ZNF385D: variants seen among roughly 807,000 people sequenced by gnomAD.
The protein encoded by ZNF385D is zinc finger protein 659.
ZNF385D carries 15 observed loss-of-function variants against 35.8 expected under a neutral mutation model. That is an observed-to-expected ratio of 0.42 (90% CI 0.28 to 0.64). ZNF385D has a LOEUF of 0.64. Ranked by LOEUF, ZNF385D falls within the 30% of genes least tolerant of loss-of-function variation. ZNF385D has a pLI of 0.23. For missense variants in ZNF385D, 474 were observed against 494.6 expected (o/e 0.96, Z 0.39); for synonymous variants, 212 against 186.8 (o/e 1.13, Z -1.10).
At chr3:21,569,610 G>T (rs1427557241) in intron 2 of ZNF385D, among the ~76,000 whole-genome samples, 1 of 149,938 alleles carries the variant, frequency 6.7e-6, no homozygotes, top group Non-Finnish European at 1.5e-5. Context: ...TCATTATGAT[G>T]TTAGCTGGTT....
At chr3:21,569,893 C>G (rs1407252494) in intron 2 of ZNF385D, among the ~76,000 whole-genome samples, 1 of 108,850 alleles carries the variant, frequency 9.2e-6, no homozygotes, top group African/African-American at 3.6e-5. Flanking sequence ...GAACATCACA[C>G]TCTGGGGACT....
chr3:22,161,382 AT>A (rs1345454985), intron 3 of ZNF385D, among the ~76,000 whole-genome samples: 2 of 152,098 alleles, frequency 1.3e-5, no homozygotes, highest in African/African-American at 4.8e-5. Flanking sequence ...TATGCAGTAT[AT>A]ATTAAACCAT....
At chr3:21,583,951 C>CTTATTTATTTATTTAT (rs1287837812) in intron 2 of ZNF385D, among the ~76,000 whole-genome samples, 7,914 of 132,670 alleles carry the variant, frequency 0.06, 267 homozygotes, top group Non-Finnish European at 0.081. Flanking sequence ...ATTTATTTTA[C>CTTATTTATTTATTTAT]TTATTTACTT....
At chr3:22,118,423 G>C (rs13322737) in intron 3 of ZNF385D, among the ~76,000 whole-genome samples, 17,731 of 152,022 alleles carry the variant, frequency 0.12, 2,166 homozygotes, top group African/African-American at 0.31. Context: ...ATCTGAGATT[G>C]CATTTGTGAG....
chr3:22,057,527 T>G (rs1292784684), intron 3 of ZNF385D, among the ~76,000 whole-genome samples: 2 of 151,700 alleles, frequency 1.3e-5, no homozygotes, highest in Non-Finnish European at 2.9e-5. Context: ...TTTTTTTTTT[T>G]GAGACAGAGT....
intron 4 of ZNF385D, among the ~76,000 whole-genome samples, chr3:21,468,289 C>T (rs1484839045): frequency 1.3e-5 from 2 of 149,944 alleles, no homozygotes; most frequent in East Asian, 4.0e-4. Context: ...GTAGTCCCAG[C>T]TACTCGGGAG....
rs1388124462 is a variant in ZNF385D at position 21,932,281 on chromosome 3, TATC to T, written c.325+236533_325+236535del. On this transcript the variant is annotated intron_variant, in intron 3 of 5. Transcript: ENST00000494108. Reference sequence around the variant, plus strand: ...ATCTAAATGATATCTTTACAACAAATATCATATTTAGCTGCCTTTGTAAATGTT... The same window carrying T: ...ATCTAAATGATATCTTTACAACAAATATATTTAGCTGCCTTTGTAAATGTT... 4.7e-5 allele frequency among the ~76,000 whole-genome samples: 7 copies of T among 148,396 alleles called. No individual in the cohort carries two copies. In the East Asian group the frequency reaches 1.0e-3, roughly 21 times the overall value.
chr3:21,907,629 A>T (rs182582403), intron 3 of ZNF385D, among the ~76,000 whole-genome samples: 1 of 152,164 alleles, frequency 6.6e-6, no homozygotes, highest in African/African-American at 2.4e-5. Flanking sequence ...GAGATACATT[A>T]TAAGAATCTT....
chr3:22,209,338 G>C (rs1697366468), intron 2 of ZNF385D, among the ~76,000 whole-genome samples: 1 of 152,042 alleles, frequency 6.6e-6, no homozygotes, highest in Middle Eastern at 3.4e-3. Context: ...ATAGTGGAAA[G>C]TAATTAAAGT....
At chr3:21,976,836 C>G (rs1703655182) in intron 3 of ZNF385D, among the ~76,000 whole-genome samples, 1 of 152,068 alleles carries the variant, frequency 6.6e-6, no homozygotes, top group African/African-American at 2.4e-5. Flanking sequence ...GCTAAAAATA[C>G]AAAAATTAGC....
chr3:22,329,834 G>C (rs1694853228), intron 2 of ZNF385D, among the ~76,000 whole-genome samples: 1 of 152,086 alleles, frequency 6.6e-6, no homozygotes, highest in South Asian at 2.1e-4. Context: ...ACATATAATT[G>C]ACATAAAAAT....
rs187428287 is a variant in ZNF385D, at chr3:21,693,741, G to C, written c.23-28713C>G. 1.2e-3 allele frequency among the ~76,000 whole-genome samples: 185 copies of C among 151,812 alleles called. 1 individual carries two copies. The highest frequency in any genetic ancestry group is 4.1e-3 in the African/African-American group (171 of 41,430). On this transcript the variant is annotated intron_variant, in intron 1 of 7. Transcript: ENST00000281523. The stretch of plus-strand genomic sequence containing the variant: ...TTTAAACGTGTTTCATAGATGTATG[G>C]AAATCAAAAGCCAATAAATGTTTTA...
intron 2 of ZNF385D, among the ~76,000 whole-genome samples, chr3:22,179,970 A>G (rs565109694): frequency 6.6e-6 from 1 of 152,268 alleles, no homozygotes; most frequent in East Asian, 1.9e-4. Context: ...GACACAAAAA[A>G]CCCTTCAAAA....
At chr3:22,301,627 A>G (rs1702906783) in intron 2 of ZNF385D, among the ~76,000 whole-genome samples, 1 of 152,098 alleles carries the variant, frequency 6.6e-6, no homozygotes, top group Admixed American at 6.6e-5. Flanking sequence ...AAAACGGTAA[A>G]GAAAAAAGTC....
At chr3:21,559,898 A>G (rs770134986) in intron 3 of ZNF385D, among the ~76,000 whole-genome samples, 7 of 151,882 alleles carry the variant, frequency 4.6e-5, no homozygotes, top group Non-Finnish European at 7.4e-5. Context: ...TTCACGCTGT[A>G]TTTAAGTTGA....
At chr3:21,896,363 A>T (rs1181343195) in intron 3 of ZNF385D, among the ~76,000 whole-genome samples, 1 of 151,840 alleles carries the variant, frequency 6.6e-6, no homozygotes, top group Non-Finnish European at 1.5e-5. Context: ...TGTAGATACC[A>T]ACTTCCTAAA....
chr3:22,085,329 C>T (rs769535095), intron 3 of ZNF385D, among the ~76,000 whole-genome samples: 2 of 151,980 alleles, frequency 1.3e-5, no homozygotes, highest in Non-Finnish European at 2.9e-5. Flanking sequence ...AGACCTCTAA[C>T]AAGACTAATA....
intron 2 of ZNF385D, among the ~76,000 whole-genome samples, chr3:22,276,025 C>G (rs1024966758): frequency 1.3e-5 from 2 of 152,104 alleles, no homozygotes; most frequent in African/African-American, 4.8e-5. Context: ...GTGGAGGTTG[C>G]AGTGAGCCAA....
chr3:22,135,405 A>G (rs1198772580), intron 3 of ZNF385D, among the ~76,000 whole-genome samples: 2 of 152,136 alleles, frequency 1.3e-5, no homozygotes, highest in Admixed American at 6.5e-5. Flanking sequence ...TTAAAATACA[A>G]TTTATAATAG....
Sources: gnomAD v4.1 joint callset for allele counts (sites outside exome capture counted in the v4.1 genomes callset) on GRCh38, gnomAD v4.1.1 for gene constraint, MANE v1.5 for transcripts, NCBI Gene and HGNC (gene_info 2026-07-23, HGNC 2026-07-21) for gene names.